ABCB4: variants seen among roughly 807,000 people sequenced by gnomAD.
ABCB4 encodes the protein ATP binding cassette subfamily B member 4, also known as phosphatidylcholine translocator ABCB4.
A neutral mutation model predicts 145.7 loss-of-function variants in ABCB4; 76 were observed. The ratio of observed to expected loss-of-function variants is 0.52; its 90% CI spans 0.43 to 0.63. ABCB4 has a LOEUF of 0.63. Ranked by LOEUF, ABCB4 falls within the 30% of genes least tolerant of loss-of-function variation. The probability of loss-of-function intolerance (pLI) is 0.00; values close to 1 mark genes in which losing one functional copy is unlikely to be tolerated. For synonymous variants in ABCB4, 517 were observed against 566.8 expected, an observed-to-expected ratio of 0.91 and a Z score of 1.25; for missense variants, 1,234 against 1,553.1, an observed-to-expected ratio of 0.79 and a Z score of 3.45.
At chr7:87,417,605 G>A in intron 20 of ABCB4, 90 bp from the exon 21 acceptor site, 1 of 1,035,810 alleles carries the variant, frequency 9.7e-7, no homozygotes, top group African/African-American at 1.6e-5. Flanking sequence ...TGATGAGTGG[G>A]TTCTATGCCT....
chr7:87,397,312 C>T (rs574584845), downstream of ABCB4, among the ~76,000 whole-genome samples: 3 of 150,832 alleles, frequency 2.0e-5, no homozygotes, highest in African/African-American at 7.3e-5. Flanking sequence ...GATCATGCCA[C>T]TGCACTCCAG....
chr7:87,444,501 C>T (rs560529116), intron 10 of ABCB4, among the ~76,000 whole-genome samples: 7 of 152,012 alleles, frequency 4.6e-5, no homozygotes, highest in Admixed American at 2.6e-4. Context: ...TTGGTCCCAC[C>T]GATAATTTAT....
chr7:87,457,488 G>A (rs575229238), intron 4 of ABCB4, among the ~76,000 whole-genome samples: 4 of 152,308 alleles, frequency 2.6e-5, no homozygotes, highest in Admixed American at 6.5e-5. Flanking sequence ...AATGCCTCCC[G>A]TAGTAAGGAA....
chr7:87,462,045 G>C (rs45519131), intron 4 of ABCB4, among the ~76,000 whole-genome samples: 1,625 of 152,276 alleles, frequency 0.011, 14 homozygotes, highest in South Asian at 0.018. Flanking sequence ...GAGGCTTCAG[G>C]CTTGGTAGAA....
the ABCB4 span, among the ~76,000 whole-genome samples, chr7:87,395,681 C>A: frequency 6.6e-6 from 1 of 152,250 alleles, no homozygotes; most frequent in East Asian, 1.9e-4. Context: ...GATGTTTTGT[C>A]ACTGAAGTCA....
At chr7:87,378,710 T>A in the ABCB4 span, among the ~76,000 whole-genome samples, 1 of 152,196 alleles carries the variant, frequency 6.6e-6, no homozygotes, top group Non-Finnish European at 1.5e-5. Context: ...TTGGCCTGTG[T>A]GATTCATGTC....
chr7:87,374,223 G>A, the ABCB4 span, among the ~76,000 whole-genome samples: 1 of 152,060 alleles, frequency 6.6e-6, no homozygotes, highest in Non-Finnish European at 1.5e-5. Context: ...CCAAGTTAAA[G>A]GAAAAGAGGG....
Position 87,452,967 on chromosome 7 carries a change from A to T in ABCB4, c.513T>A (p.Thr171=). ...ACTCTGTTAGCCGCGTATTGAGTTC[A>T]GTGGTGTCGTTGATGTCAAACCATC... is the stretch of plus-strand genomic sequence containing the variant. ...EIGWFDINDT[T]ELNTRLTDDI... is the part of the protein sequence containing the mutation. The change falls in exon 6 of 28, where the codon ACT becomes ACA. Residue 171 remains threonine, a synonymous_variant. Coordinates refer to ENST00000649586, the MANE Select transcript of ABCB4 (RefSeq NM_000443.4). 6.2e-7 allele frequency: 1 copy of T among 1,614,092 alleles called. No homozygotes were observed.
At chr7:87,411,466 G>A (rs1808618265) in intron 23 of ABCB4, among the ~76,000 whole-genome samples, 1 of 152,150 alleles carries the variant, frequency 6.6e-6, no homozygotes, top group Non-Finnish European at 1.5e-5. Context: ...TAGGGAGAGA[G>A]TGCCTTTGCC....
intron 27 of ABCB4, 129 bp from the exon 28 acceptor site, chr7:87,402,431 T>C (rs1807851760): frequency 4.5e-6 from 5 of 1,119,888 alleles, no homozygotes; most frequent in Non-Finnish European, 6.6e-6. Flanking sequence ...CTTTGAACTT[T>C]ATGCATGTGT....
At chr7:87,381,536 T>C in the ABCB4 span, among the ~76,000 whole-genome samples, 2 of 152,190 alleles carry the variant, frequency 1.3e-5, no homozygotes, top group Admixed American at 1.3e-4. Context: ...CCCCATCTGC[T>C]TTTCCACCCT....
At chr7:87,411,174 A>C (rs45517839) in intron 23 of ABCB4, among the ~76,000 whole-genome samples, 9,066 of 152,100 alleles carry the variant, frequency 0.06, 332 homozygotes, top group South Asian at 0.16. Flanking sequence ...GAAAAAAAAA[A>C]CCCAGCTCTT....
chr7:87,457,469 G>A (rs1333230958), intron 4 of ABCB4, among the ~76,000 whole-genome samples: 1 of 152,190 alleles, frequency 6.6e-6, no homozygotes, highest in Non-Finnish European at 1.5e-5. Flanking sequence ...TTACACCCCA[G>A]TCCACCTGAA....
chr7:87,378,644 T>C, the ABCB4 span, among the ~76,000 whole-genome samples: 1 of 152,218 alleles, frequency 6.6e-6, no homozygotes, highest in Non-Finnish European at 1.5e-5. Context: ...AATAGTCAGC[T>C]TCTTTGTTTC....
intron 3 of ABCB4, among the ~76,000 whole-genome samples, chr7:87,466,955 G>A (rs7782643): frequency 0.13 from 20,141 of 152,152 alleles, 1,375 homozygotes; most frequent in East Asian, 0.2. Flanking sequence ...ATACCAAATT[G>A]TAAAGACCAT....
chr7:87,406,914 G>A (rs1808240493), intron 25 of ABCB4, among the ~76,000 whole-genome samples: 1 of 152,048 alleles, frequency 6.6e-6, no homozygotes, highest in Non-Finnish European at 1.5e-5. Context: ...TCAGAAGCAG[G>A]GCCCCAAAAG....
downstream of ABCB4, chr7:87,401,669 A>G: frequency 3.9e-6 from 1 of 255,050 alleles, no homozygotes; most frequent in South Asian, 4.4e-5. Flanking sequence ...TCCACAATAG[A>G]ATGATTTAGA....
At position 87,422,148 on chromosome 7, in the gene ABCB4, A is replaced by C. The variant is rs777880618; in HGVS notation, c.2289T>G (p.Ile763Met). Reference sequence around the variant, plus strand: ...GAAGGAAGAAAGTAAAAAAAGAAATAATTCCCAGAAATAAGAAAATCAAAG... The same window carrying C: ...GAAGGAAGAAAGTAAAAAAAGAAATCATTCCCAGAAATAAGAAAATCAAAG... ...IFSLIFLFLG[I>M]ISFFTFFLQG... Residue 763 changes from isoleucine to methionine, a missense_variant, in exon 18 of 28, where the codon ATT (isoleucine) becomes ATG (methionine). Coordinates refer to ENST00000649586, the MANE Select transcript of ABCB4 (RefSeq NM_000443.4). 9.3e-6 allele frequency: 15 copies of C among 1,612,584 alleles called. No individual in the cohort carries two copies. In the Admixed American group the frequency reaches 2.5e-4, roughly 27 times the overall value.
At chr7:87,425,703 G>A (rs1333371796) in intron 16 of ABCB4, among the ~76,000 whole-genome samples, 4 of 151,792 alleles carry the variant, frequency 2.6e-5, no homozygotes, top group African/African-American at 4.8e-5. Flanking sequence ...GTAAAACCTC[G>A]TCTCTACAAA....
Sources: allele counts gnomAD v4.1 joint callset (sites outside exome capture counted in the v4.1 genomes callset), GRCh38; gene constraint gnomAD v4.1.1; transcripts MANE v1.5; gene names NCBI Gene and HGNC (gene_info 2026-07-23, HGNC 2026-07-21).